The following LYN variants were observed in gnomAD, a reference collection of about 807,000 sequenced individuals.
LYN encodes the protein tyrosine-protein kinase Lyn.
LYN carries 12 observed loss-of-function variants against 65.0 expected under a neutral mutation model. The ratio of observed to expected loss-of-function variants is 0.18; its 90% CI spans 0.12 to 0.30. LYN has a LOEUF of 0.30. Among genes scored for constraint, LYN ranks in the 10% least tolerant of loss-of-function variants. The probability of loss-of-function intolerance (pLI) is 1.00; values close to 1 mark genes in which losing one functional copy is unlikely to be tolerated. For missense variants in LYN, 380 were observed against 623.2 expected (o/e 0.61, Z 4.16); for synonymous variants, 222 against 221.2 (o/e 1.00, Z -0.03).
At chr8:55,984,542 G>A (rs779714676) in intron 10 of LYN, among the ~76,000 whole-genome samples, 1 of 152,178 alleles carries the variant, frequency 6.6e-6, no homozygotes, top group Non-Finnish European at 1.5e-5. Flanking sequence ...CAATTCCTCA[G>A]CAAGTCTGGG....
intron 10 of LYN, among the ~76,000 whole-genome samples, chr8:55,977,555 T>A (rs1319125014): frequency 1.3e-5 from 2 of 152,122 alleles, no homozygotes; most frequent in Non-Finnish European, 2.9e-5. Context: ...TTTGTTTTGT[T>A]TTTTAAAACT....
intron 1 of LYN, among the ~76,000 whole-genome samples, chr8:55,926,381 G>C (rs1426861117): frequency 1.3e-5 from 2 of 152,232 alleles, no homozygotes; most frequent in Non-Finnish European, 2.9e-5. Context: ...TGCATGTATA[G>C]ATGTGTAAGT....
intron 2 of LYN, among the ~76,000 whole-genome samples, chr8:55,942,297 GTGTGTATATA>G (rs943931905): frequency 1.0e-4 from 15 of 147,384 alleles, no homozygotes; most frequent in African/African-American, 3.3e-4. Context: ...ATATATGTGT[GTGTGTATATA>G]TGTGTATATA....
intron 1 of LYN, among the ~76,000 whole-genome samples, chr8:55,903,253 A>G (rs575683141): frequency 1.3e-5 from 2 of 152,306 alleles, no homozygotes; most frequent in Non-Finnish European, 2.9e-5. Context: ...TCAGCCTCCC[A>G]AAGTGCTGGG....
At chr8:55,995,172 C>G (rs1399180210) in intron 10 of LYN, among the ~76,000 whole-genome samples, 1 of 152,174 alleles carries the variant, frequency 6.6e-6, no homozygotes, top group Non-Finnish European at 1.5e-5. Context: ...CTGACGCCCT[C>G]ACCATGCCAC....
chr8:55,928,701 A>G (rs966664986), intron 1 of LYN, among the ~76,000 whole-genome samples: 14 of 152,122 alleles, frequency 9.2e-5, no homozygotes, highest in African/African-American at 3.4e-4. Flanking sequence ...TTTTCTTAAG[A>G]AAGTGTCTTT....
intron 10 of LYN, among the ~76,000 whole-genome samples, chr8:55,987,757 T>C (rs954687445): frequency 6.6e-6 from 1 of 152,202 alleles, no homozygotes; most frequent in African/African-American, 2.4e-5. Context: ...TGTGGATGAA[T>C]GCTTAAGAGC....
chr8:55,914,710 C>T (rs1805736551), intron 1 of LYN, among the ~76,000 whole-genome samples: 1 of 152,172 alleles, frequency 6.6e-6, no homozygotes, highest in African/African-American at 2.4e-5. Flanking sequence ...CTTACCCTTC[C>T]AGACATGAGA....
chr8:55,955,793 G>T (rs1026675554), intron 8 of LYN, among the ~76,000 whole-genome samples: 1 of 152,024 alleles, frequency 6.6e-6, no homozygotes. Flanking sequence ...TTTGTGTCTG[G>T]CTTATTTCAC....
chr8:55,937,649 A>G (rs1215839895), intron 1 of LYN, among the ~76,000 whole-genome samples: 2 of 152,204 alleles, frequency 1.3e-5, no homozygotes, highest in East Asian at 3.9e-4. Context: ...GCTAGATTTT[A>G]TGAAACCAAA....
chr8:56,004,976 G>A (rs1198170966), intron 12 of LYN, among the ~76,000 whole-genome samples: 1 of 152,044 alleles, frequency 6.6e-6, no homozygotes. Context: ...GTAGAGACAG[G>A]GTCTCACTAT....
intron 10 of LYN, among the ~76,000 whole-genome samples, chr8:55,989,130 G>A (rs935830740): frequency 1.3e-5 from 2 of 152,242 alleles, no homozygotes; most frequent in Admixed American, 6.5e-5. Flanking sequence ...GCTGGTGATG[G>A]CTCAGAGCCT....
At chr8:55,926,257 T>A (rs1239127778) in intron 1 of LYN, among the ~76,000 whole-genome samples, 1 of 152,244 alleles carries the variant, frequency 6.6e-6, no homozygotes, top group East Asian at 1.9e-4. Context: ...AATGGCATCA[T>A]GCAGTTTGTG....
intron 1 of LYN, among the ~76,000 whole-genome samples, chr8:55,941,470 C>T (rs1409384168): frequency 1.3e-5 from 2 of 152,144 alleles, no homozygotes; most frequent in Non-Finnish European, 2.9e-5. Flanking sequence ...GGCTGCCATC[C>T]CGCCCATTTC....
chr8:55,996,478 C>T (rs1270539600), intron 10 of LYN, among the ~76,000 whole-genome samples: 2 of 152,190 alleles, frequency 1.3e-5, no homozygotes, highest in Non-Finnish European at 2.9e-5. Flanking sequence ...GTGAAAAATT[C>T]GAATCAGAGT....
Position 55,914,796 on chromosome 8 carries a change from T to G in LYN, c.-5-27059T>G, listed in dbSNP as rs1303124917. Reference sequence around the variant, plus strand: ...AAAGGCCAAGGAAGTTGCTCTTCTCTTCACTCCCACCCCTCCTGTTCATTT... The same window carrying G: ...AAAGGCCAAGGAAGTTGCTCTTCTCGTCACTCCCACCCCTCCTGTTCATTT... On this transcript the variant is annotated intron_variant, in intron 1 of 12. Transcript: ENST00000519728. Among the ~76,000 whole-genome samples the G allele has an allele frequency of 3.9e-5, 6 of 152,190 alleles. No individual in the cohort carries two copies. In the South Asian group the frequency reaches 6.2e-4, roughly 16 times the overall value.
At chr8:55,998,660 G>A (rs1401411629) in intron 11 of LYN, among the ~76,000 whole-genome samples, 161 bp downstream of exon 11, 3 of 152,140 alleles carry the variant, frequency 2.0e-5, no homozygotes, top group Non-Finnish European at 4.4e-5. Flanking sequence ...TATTCTAATA[G>A]TTTCTAGAAG....
intron 10 of LYN, among the ~76,000 whole-genome samples, chr8:55,979,593 T>A (rs1292945422): frequency 6.6e-6 from 1 of 152,168 alleles, no homozygotes; most frequent in Non-Finnish European, 1.5e-5. Flanking sequence ...AAGTAGCCCT[T>A]GCCCCCATTT....
chr8:55,981,978 C>T (rs1807940932), intron 10 of LYN, among the ~76,000 whole-genome samples: 1 of 152,234 alleles, frequency 6.6e-6, no homozygotes, highest in African/African-American at 2.4e-5. Flanking sequence ...AACCCCACAA[C>T]TGAACAGGTT....
Sources: gnomAD v4.1 joint callset for allele counts (sites outside exome capture counted in the v4.1 genomes callset) on GRCh38, gnomAD v4.1.1 for gene constraint, MANE v1.5 for transcripts, NCBI Gene and HGNC (gene_info 2026-07-23, HGNC 2026-07-21) for gene names.